The following CBLB variants were observed in gnomAD, a reference collection of about 807,000 sequenced individuals.
CBLB encodes Cbl proto-oncogene B.
CBLB carries 31 observed loss-of-function variants against 104.9 expected under a neutral mutation model. That is an observed-to-expected ratio of 0.30 (90% confidence interval 0.22 to 0.40). CBLB has a LOEUF of 0.40. Among genes scored for constraint, CBLB ranks in the 10% least tolerant of loss-of-function variants. The pLI, the probability that CBLB is intolerant of heterozygous loss-of-function variation, is 1.00. For synonymous variants in CBLB, 440 were observed against 422.6 expected, an observed-to-expected ratio of 1.04 and a Z score of -0.51; for missense variants, 1,062 against 1,214.6, an observed-to-expected ratio of 0.87 and a Z score of 1.87.
At chr3:105,660,388 C>T (rs1441844100) in intron 18 of CBLB, among the ~76,000 whole-genome samples, 3 of 151,542 alleles carry the variant, frequency 2.0e-5, no homozygotes, top group Non-Finnish European at 4.4e-5. Context: ...GACAGGGTTT[C>T]ACCATGTTGA....
intron 3 of CBLB, among the ~76,000 whole-genome samples, chr3:105,834,088 G>T (rs1033662924): frequency 6.6e-6 from 1 of 151,914 alleles, no homozygotes; most frequent in East Asian, 1.9e-4. Flanking sequence ...TTCCTGGGGT[G>T]GGGGTGGGCA....
intron 3 of CBLB, among the ~76,000 whole-genome samples, chr3:105,834,411 C>T (rs2153083799): frequency 6.6e-6 from 1 of 152,288 alleles, no homozygotes; most frequent in Admixed American, 6.5e-5. Flanking sequence ...AATCCCAGCA[C>T]TTTGGGAGGC....
At chr3:105,765,650 T>G (rs2078137136) in intron 4 of CBLB, among the ~76,000 whole-genome samples, 1 of 152,182 alleles carries the variant, frequency 6.6e-6, no homozygotes, top group Non-Finnish European at 1.5e-5. Context: ...ACGCTAAATC[T>G]ACTCTTCCTG....
chr3:105,784,477 C>A (rs2152982898), intron 3 of CBLB, among the ~76,000 whole-genome samples: 3 of 152,238 alleles, frequency 2.0e-5, no homozygotes, highest in African/African-American at 7.2e-5. Context: ...CATCAACAAG[C>A]AAAATAAACT....
Position 105,751,511 on chromosome 3 carries a change from T to A in CBLB, c.674A>T (p.Asn225Ile). 1 of 1,611,714 alleles carries A rather than the reference T, an allele frequency of 6.2e-7. No individual in the cohort carries two copies. The highest frequency in any genetic ancestry group is 8.5e-7 in the Non-Finnish European group (1 of 1,177,970). ...AAATTCAAAAACTGAAATGTAATCA[T>A]TGCAAGTTAAATCAATTGTTGATTT... ...ALKSTIDLTCNDYISVFEFDI... is the reference protein window; with the variant it reads ...ALKSTIDLTCIDYISVFEFDI... The change falls in exon 5 of 19, where the codon AAT becomes ATT. Residue 225 changes from asparagine (N) to isoleucine (I), a missense_variant. Physicochemically the swap from Asn to Ile is moderately radical, Grantham distance 149 (BLOSUM62 -3). Coordinates refer to ENST00000394030, the MANE Select transcript of CBLB (RefSeq NM_170662.5).
chr3:105,771,467 T>C (rs971086295), intron 4 of CBLB, among the ~76,000 whole-genome samples: 1 of 152,054 alleles, frequency 6.6e-6, no homozygotes, highest in Non-Finnish European at 1.5e-5. Flanking sequence ...CCCTGAGAAT[T>C]GTAACCAGAT....
At chr3:105,665,757 GT>G (rs2064375190) in intron 18 of CBLB, among the ~76,000 whole-genome samples, 1 of 150,672 alleles carries the variant, frequency 6.6e-6, no homozygotes. Flanking sequence ...CTGGCTGGGC[GT>G]GGTGACTCAT....
chr3:105,709,330 G>C (rs549941335), intron 10 of CBLB, among the ~76,000 whole-genome samples: 1 of 151,918 alleles, frequency 6.6e-6, no homozygotes, highest in South Asian at 2.1e-4. Context: ...TTGTCAAACT[G>C]TTTCCCATAA....
At position 105,658,851 on chromosome 3, in the gene CBLB, C is replaced by T. The variant is rs1227744358; in HGVS notation, c.*119G>A. 8.9e-7 allele frequency: 1 copy of T among 1,120,162 alleles called. No individual in the cohort carries two copies. The highest frequency in any genetic ancestry group is 1.5e-5 in the African/African-American group (1 of 64,702). The allele number at this position is 1,120,162 out of a possible 1,614,324, so 69.4% of individuals were successfully genotyped here. On this transcript the variant is annotated 3_prime_UTR_variant, in exon 19 of 19. Coordinates refer to ENST00000394030, the MANE Select transcript of CBLB (RefSeq NM_170662.5). ...GAGAAGCTGCACTCCCAAGCCTCTT[C>T]TCAAGCTGCTACACGAGGAGGAGAC...
intron 3 of CBLB, among the ~76,000 whole-genome samples, chr3:105,803,525 A>G (rs923563003): frequency 1.3e-5 from 2 of 152,172 alleles, no homozygotes; most frequent in Non-Finnish European, 2.9e-5. Flanking sequence ...AGCAATGTTT[A>G]TAACTTCCAC....
chr3:105,856,628 T>G (rs2091646750), intron 2 of CBLB, among the ~76,000 whole-genome samples: 1 of 152,170 alleles, frequency 6.6e-6, no homozygotes, highest in Non-Finnish European at 1.5e-5. Context: ...ATTATTTCCT[T>G]TATTTTTACA....
intron 3 of CBLB, among the ~76,000 whole-genome samples, chr3:105,801,182 C>T (rs572546887): frequency 1.8e-4 from 28 of 152,140 alleles, no homozygotes; most frequent in African/African-American, 5.8e-4. Flanking sequence ...TAAAAATAAC[C>T]TTTAACGCAC....
chr3:105,785,389 C>CTT (rs2080860117), intron 3 of CBLB, among the ~76,000 whole-genome samples: 1 of 152,274 alleles, frequency 6.6e-6, no homozygotes, highest in Admixed American at 6.5e-5. Flanking sequence ...TATCTTTACT[C>CTT]TGTGAGTTCT....
chr3:105,821,659 T>C (rs1402861782), intron 3 of CBLB, among the ~76,000 whole-genome samples: 1 of 152,192 alleles, frequency 6.6e-6, no homozygotes, highest in East Asian at 1.9e-4. Flanking sequence ...ACTGCAATCA[T>C]CCAACCTATG....
intron 1 of CBLB, among the ~76,000 whole-genome samples, chr3:105,867,896 C>G (rs1389071593): frequency 6.8e-6 from 1 of 147,142 alleles, no homozygotes; most frequent in Non-Finnish European, 1.5e-5. Flanking sequence ...AAAAAAAGAA[C>G]AAACAAAACT....
At chr3:105,831,974 T>C (rs1024719553) in intron 3 of CBLB, among the ~76,000 whole-genome samples, 5 of 152,034 alleles carry the variant, frequency 3.3e-5, no homozygotes, top group Admixed American at 6.5e-5. Flanking sequence ...GAAAAGAAGG[T>C]TGCAGCCAAA....
intron 4 of CBLB, among the ~76,000 whole-genome samples, chr3:105,773,603 T>C (rs1043686000): frequency 6.6e-6 from 1 of 152,178 alleles, no homozygotes. Context: ...GATGTGCTTC[T>C]TTTTTTAACG....
chr3:105,798,106 C>G (rs2082435381), intron 3 of CBLB, among the ~76,000 whole-genome samples: 1 of 152,166 alleles, frequency 6.6e-6, no homozygotes, highest in African/African-American at 2.4e-5. Context: ...AAGAGACAAG[C>G]TAACGTACAA....
chr3:105,721,118 T>C (rs966075826), intron 9 of CBLB, among the ~76,000 whole-genome samples: 1 of 152,162 alleles, frequency 6.6e-6, no homozygotes, highest in Non-Finnish European at 1.5e-5. Flanking sequence ...CGATTTTTGG[T>C]TTTGCATTAT....
Sources: gnomAD v4.1 joint callset for allele counts (sites outside exome capture counted in the v4.1 genomes callset) on GRCh38, gnomAD v4.1.1 for gene constraint, MANE v1.5 for transcripts, NCBI Gene and HGNC (gene_info 2026-07-23, HGNC 2026-07-21) for gene names.